The following NAE1 variants were observed in gnomAD, a reference collection of about 807,000 sequenced individuals.
The protein encoded by NAE1 is NEDD8 activating enzyme E1 subunit 1, also known as NEDD8-activating enzyme E1 regulatory subunit.
A neutral mutation model predicts 88.0 loss-of-function variants in NAE1; 59 were observed. That is an observed-to-expected ratio of 0.67 (90% confidence interval 0.54 to 0.83). NAE1 has a LOEUF of 0.83. NAE1 is among the 40% of genes least tolerant of loss of function. The pLI is 0.00. For synonymous variants in NAE1, 186 were observed against 208.9 expected (o/e 0.89, Z 0.95); for missense variants, 554 against 632.8 (o/e 0.88, Z 1.34).
chr16:66,812,078 T>C (rs1345680010), intron 13 of NAE1, among the ~76,000 whole-genome samples: 2 of 152,214 alleles, frequency 1.3e-5, no homozygotes, highest in Non-Finnish European at 2.9e-5. Context: ...TGTCTAGCTA[T>C]AGTCATAGAC....
In NAE1 at chr16:66,817,054, T is replaced by A; in HGVS notation, c.685-26A>T. 1.9e-6 allele frequency: 3 copies of A among 1,576,774 alleles called. No individual in the cohort carries two copies. The Middle Eastern group carries it at 5.2e-4, about 274-fold the overall frequency. On this transcript the variant is annotated intron_variant, in intron 9 of 19. Coordinates refer to ENST00000290810, the MANE Select transcript of NAE1 (RefSeq NM_003905.4). ...CTAAATTGGTTAAAAATTTTAAAAA[T>A]CTAGTTATTAAAATTCAAAATACAG...
intron 14 of NAE1, 46 bp downstream of exon 14, chr16:66,810,651 G>T: frequency 6.5e-7 from 1 of 1,538,234 alleles, no homozygotes; most frequent in Non-Finnish European, 8.9e-7. Flanking sequence ...TCTGGCTGGA[G>T]TTACGTGCTG....
chr16:66,825,913 G>A (rs1353735935), intron 3 of NAE1, among the ~76,000 whole-genome samples: 1 of 152,142 alleles, frequency 6.6e-6, no homozygotes, highest in Non-Finnish European at 1.5e-5. Context: ...TGCTGTGCCT[G>A]GCAGAAACTG....
In NAE1 at chr16:66,817,224, G is replaced by A; in HGVS notation, c.685-196C>T. 7 of 893,078 alleles carry A rather than the reference G, an allele frequency of 7.8e-6. No homozygotes were observed. In the South Asian group the frequency reaches 1.1e-4, roughly 15 times the overall value. The allele number at this position is 893,078 out of a possible 1,614,324, so 55.3% of individuals were successfully genotyped here. A position where few individuals can be genotyped will look rare whatever the true frequency, so the allele number is the denominator to read the frequency against. On this transcript the variant is annotated intron_variant, in intron 9 of 19. Transcript: ENST00000290810. ...TCATTCCCCCTGCCAGTTTCATAATGACATTTATTGAATTTCATTTTAATT... is the reference window on the plus strand; with the variant it reads ...TCATTCCCCCTGCCAGTTTCATAATAACATTTATTGAATTTCATTTTAATT...
At chr16:66,805,094 T>C (rs1187215236) in intron 19 of NAE1, among the ~76,000 whole-genome samples, 1 of 152,020 alleles carries the variant, frequency 6.6e-6, no homozygotes, top group Non-Finnish European at 1.5e-5. Context: ...GTTTTGGACA[T>C]GCAGAAAAAC....
rs1194743347 is a variant in NAE1 at position 66,828,404 on chromosome 16, T to G, written c.54-1624A>C. Among the ~76,000 whole-genome samples the G allele has an allele frequency of 6.7e-5, 10 of 149,778 alleles. No individual in the cohort carries two copies. In the Admixed American group the frequency reaches 6.7e-4, roughly 10 times the overall value. ...TACTAGGGAGGCTGAGGCATGAGAA[T>G]CGCATGAACGCAGGAGGCGGAGATT... On this transcript the variant is annotated intron_variant, in intron 1 of 19. Transcript: ENST00000290810.
At chr16:66,824,911 A>AAAAGT (rs748566278) in intron 3 of NAE1, 26 bp from the exon 4 acceptor site, 208 of 1,593,098 alleles carry the variant, frequency 1.3e-4, no homozygotes, top group Non-Finnish European at 1.7e-4. Flanking sequence ...TAAAGGAAAA[A>AAAAGT]AAAGTAAAGC....
chr16:66,818,688 A>G, intron 7 of NAE1, 51 bp from the exon 8 acceptor site: 1 of 1,531,198 alleles, frequency 6.5e-7, no homozygotes, highest in Non-Finnish European at 8.7e-7. Flanking sequence ...AAAAAAAAAA[A>G]GAGAGAGATG....
chr16:66,816,051 G>T (rs1960033110), intron 11 of NAE1, among the ~76,000 whole-genome samples: 1 of 152,154 alleles, frequency 6.6e-6, no homozygotes. Context: ...TTCCTAACTT[G>T]AAAGGCAGCA....
intron 9 of NAE1, 160 bp from the exon 10 acceptor site, chr16:66,817,188 T>C: frequency 9.9e-7 from 1 of 1,014,592 alleles, no homozygotes; most frequent in Non-Finnish European, 1.4e-6. Flanking sequence ...ACTGTGACCA[T>C]TTATCTACAT....
At chr16:66,810,603 C>A in intron 14 of NAE1, 94 bp downstream of exon 14, 4 of 1,201,528 alleles carry the variant, frequency 3.3e-6, no homozygotes, top group Non-Finnish European at 4.8e-6. Context: ...TCTAAAGAAG[C>A]ACAGAGGCAG....
chr16:66,813,294 T>C, intron 13 of NAE1: 1 of 358,970 alleles, frequency 2.8e-6, no homozygotes, highest in Admixed American at 4.5e-5. Context: ...AGGCGAACAC[T>C]ACCATGCCCA....
rs78456292 is a variant in NAE1 at position 66,812,825 on chromosome 16, C to CTT, written c.1034+737_1034+738dup. On this transcript the variant is annotated intron_variant, in intron 13 of 19. Coordinates refer to ENST00000290810, the MANE Select transcript of NAE1 (RefSeq NM_003905.4). ...TGAGCCACCACGCCCGGCCTAAGTT[C>CTT]TTTTTTTTTTTTTTTGAGACAGAGT... is the stretch of plus-strand genomic sequence containing the variant. Among the ~76,000 whole-genome samples, 17 of 119,844 alleles carry CTT rather than the reference C, an allele frequency of 1.4e-4. No homozygotes were observed. The South Asian group carries it at 1.8e-3, about 13-fold the overall frequency. The allele number at this position is 119,844 out of a possible 152,430, so 78.6% of individuals were successfully genotyped here. A position where few individuals can be genotyped will look rare whatever the true frequency, so the allele number is the denominator to read the frequency against.
intron 1 of NAE1, among the ~76,000 whole-genome samples, 171 bp downstream of exon 1, chr16:66,830,676 C>T (rs985557732): frequency 6.6e-6 from 1 of 152,234 alleles, no homozygotes; most frequent in Non-Finnish European, 1.5e-5. Context: ...CGCGGAGCAC[C>T]TTTGGCCCAG....
rs1427627774 is a variant in NAE1 at position 66,817,084 on chromosome 16, T to C, written c.685-56A>G. 7.1e-6 allele frequency: 11 copies of C among 1,546,630 alleles called. 1 individual carries two copies. The East Asian group carries it at 2.5e-4, about 36-fold the overall frequency. On this transcript the variant is annotated intron_variant, in intron 9 of 19. Coordinates refer to ENST00000290810, the MANE Select transcript of NAE1 (RefSeq NM_003905.4). Reference sequence around the variant, plus strand: ...TTATTAAAATTCAAAATACAGAAATTGAAAGTCTAAAGTGTCCCCCATTCT... The same window carrying C: ...TTATTAAAATTCAAAATACAGAAATCGAAAGTCTAAAGTGTCCCCCATTCT...
intron 17 of NAE1, among the ~76,000 whole-genome samples, chr16:66,807,058 C>A (rs1032140129): frequency 6.6e-6 from 1 of 152,154 alleles, no homozygotes; most frequent in African/African-American, 2.4e-5. Flanking sequence ...GACTAAGGTG[C>A]TAGTTACATG....
chr16:66,807,582 G>A (rs1338258755), intron 17 of NAE1, among the ~76,000 whole-genome samples: 1 of 151,976 alleles, frequency 6.6e-6, no homozygotes, highest in African/African-American at 2.4e-5. Context: ...GGAGGTTGCA[G>A]TGAGCTGAGA....
At chr16:66,807,066 A>G (rs1959594891) in intron 17 of NAE1, among the ~76,000 whole-genome samples, 1 of 152,174 alleles carries the variant, frequency 6.6e-6, no homozygotes, top group Non-Finnish European at 1.5e-5. Context: ...TGCTAGTTAC[A>G]TGAGTAAAAA....
chr16:66,807,296 C>A (rs938107101), intron 17 of NAE1, among the ~76,000 whole-genome samples: 1 of 152,124 alleles, frequency 6.6e-6, no homozygotes, highest in East Asian at 1.9e-4. Flanking sequence ...TAAAGCAATA[C>A]ATATTTGGTG....
Sources: gnomAD v4.1 joint callset for allele counts (sites outside exome capture counted in the v4.1 genomes callset) on GRCh38, gnomAD v4.1.1 for gene constraint, MANE v1.5 for transcripts, NCBI Gene and HGNC (gene_info 2026-07-23, HGNC 2026-07-21) for gene names.